Variants in XRCC4 observed in about 807,000 individuals in gnomAD.
XRCC4 encodes DNA repair protein XRCC4.
Under a neutral mutation model 39.1 loss-of-function variants are expected in XRCC4, and 28 were observed. The observed-to-expected ratio is 0.72, with a 90% CI of 0.53 to 0.98. The LOEUF is 0.98. XRCC4 is among the 50% of genes least tolerant of loss of function. The pLI is 0.00. For synonymous variants in XRCC4, 123 were observed against 126.4 expected (o/e 0.97, Z 0.18); for missense variants, 350 against 376.4 (o/e 0.93, Z 0.58).
rs570783999 is a variant in XRCC4, at chr5:83,088,823, A to G, written c.-11+11208A>G. Among the ~76,000 whole-genome samples, 39 of 152,326 alleles carry G rather than the reference A, an allele frequency of 2.6e-4. No individual in the cohort carries two copies. In the East Asian group the frequency reaches 7.1e-3, roughly 28 times the overall value. On this transcript the variant is annotated intron_variant, in intron 1 of 7. Coordinates refer to ENST00000396027, the MANE Select transcript of XRCC4 (RefSeq NM_003401.5). Reference sequence around the variant, plus strand: ...CATTCTTGATTGTTCTGAAGTTTAAAGATTATTGATAATTTGACTTCATTT... The same window carrying G: ...CATTCTTGATTGTTCTGAAGTTTAAGGATTATTGATAATTTGACTTCATTT...
chr5:83,352,272 G>T (rs765593302), intron 7 of XRCC4, among the ~76,000 whole-genome samples: 8 of 152,108 alleles, frequency 5.3e-5, no homozygotes, highest in Non-Finnish European at 8.8e-5. Flanking sequence ...GTATTACTGG[G>T]TTAGCTCAAC....
intron 1 of XRCC4, among the ~76,000 whole-genome samples, chr5:83,104,178 C>A (rs1318245861): frequency 1.3e-5 from 2 of 152,086 alleles, no homozygotes; most frequent in Non-Finnish European, 1.5e-5. Context: ...GTCACTGAGC[C>A]TGGTCATCTC....
intron 7 of XRCC4, among the ~76,000 whole-genome samples, chr5:83,334,046 G>T (rs1756519778): frequency 6.6e-6 from 1 of 152,098 alleles, no homozygotes; most frequent in Non-Finnish European, 1.5e-5. Context: ...GGGATTACAG[G>T]CATGAGCCAC....
At chr5:83,215,680 G>A (rs1187772020) in intron 6 of XRCC4, among the ~76,000 whole-genome samples, 2 of 152,146 alleles carry the variant, frequency 1.3e-5, no homozygotes, top group South Asian at 2.1e-4. Context: ...TCATGTTTAC[G>A]GTCAATTGGT....
At chr5:83,244,676 T>C (rs1245409209) in intron 6 of XRCC4, among the ~76,000 whole-genome samples, 1 of 152,126 alleles carries the variant, frequency 6.6e-6, no homozygotes, top group Non-Finnish European at 1.5e-5. Flanking sequence ...TGTGCCTCTT[T>C]AGTTGAATGA....
intron 3 of XRCC4, among the ~76,000 whole-genome samples, chr5:83,165,960 A>G (rs1749451625): frequency 7.0e-6 from 1 of 143,660 alleles, no homozygotes; most frequent in Non-Finnish European, 1.5e-5. Context: ...ATCTTGGCTC[A>G]CTGCAACCTC....
chr5:83,330,153 A>C (rs1484063664), intron 7 of XRCC4, among the ~76,000 whole-genome samples: 1 of 152,056 alleles, frequency 6.6e-6, no homozygotes, highest in African/African-American at 2.4e-5. Flanking sequence ...CATTTTGGCA[A>C]ATATTTAAAG....
intron 3 of XRCC4, among the ~76,000 whole-genome samples, chr5:83,180,837 C>T (rs1750171587): frequency 6.6e-6 from 1 of 152,102 alleles, no homozygotes; most frequent in South Asian, 2.1e-4. Flanking sequence ...ACTCTATCAA[C>T]AGTGAATGTT....
At chr5:83,113,151 A>G (rs1374634061) in intron 3 of XRCC4, among the ~76,000 whole-genome samples, 3 of 152,324 alleles carry the variant, frequency 2.0e-5, no homozygotes, top group East Asian at 3.9e-4. Context: ...CATTGGGTAA[A>G]CATACCCATT....
chr5:83,148,794 A>G (rs1326155409), intron 3 of XRCC4, among the ~76,000 whole-genome samples: 1 of 152,036 alleles, frequency 6.6e-6, no homozygotes, highest in East Asian at 1.9e-4. Flanking sequence ...CTTACTTAGG[A>G]CATCAATAAT....
chr5:83,228,781 A>G (rs1311691833), intron 6 of XRCC4, among the ~76,000 whole-genome samples: 1 of 152,072 alleles, frequency 6.6e-6, no homozygotes, highest in Non-Finnish European at 1.5e-5. Flanking sequence ...GTAGAAACTC[A>G]CTTTACCAGT....
intron 7 of XRCC4, among the ~76,000 whole-genome samples, chr5:83,297,866 G>A (rs995289754): frequency 6.6e-6 from 1 of 151,758 alleles, no homozygotes; most frequent in Non-Finnish European, 1.5e-5. Context: ...CCATCTCTAA[G>A]CAAGTCTCCA....
intron 6 of XRCC4, among the ~76,000 whole-genome samples, chr5:83,214,423 T>C (rs1751771714): frequency 6.6e-6 from 1 of 151,982 alleles, no homozygotes; most frequent in Non-Finnish European, 1.5e-5. Context: ...AAGCAAAAAA[T>C]GAAATAAGAA....
chr5:83,320,764 G>A (rs1054642596), intron 7 of XRCC4, among the ~76,000 whole-genome samples: 1 of 149,508 alleles, frequency 6.7e-6, no homozygotes, highest in Non-Finnish European at 1.5e-5. Context: ...ATGATTATTA[G>A]CATTTTTTAG....
chr5:83,152,325 T>C (rs958878237), intron 3 of XRCC4, among the ~76,000 whole-genome samples: 1 of 152,196 alleles, frequency 6.6e-6, no homozygotes, highest in African/African-American at 2.4e-5. Flanking sequence ...TAATGATATA[T>C]GTAGGTATAA....
chr5:83,241,392 A>G (rs1298842358), intron 6 of XRCC4, among the ~76,000 whole-genome samples: 2 of 152,222 alleles, frequency 1.3e-5, no homozygotes, highest in Non-Finnish European at 2.9e-5. Context: ...ACATAATTTT[A>G]CACAAATCTA....
At chr5:83,276,881 G>A (rs762078169) in intron 7 of XRCC4, among the ~76,000 whole-genome samples, 70 of 152,016 alleles carry the variant, frequency 4.6e-4, no homozygotes, top group Non-Finnish European at 8.5e-4. Flanking sequence ...ACAGAATCTT[G>A]TTATAATTTG....
intron 3 of XRCC4, among the ~76,000 whole-genome samples, chr5:83,189,374 T>G (rs755609180): frequency 1.2e-4 from 18 of 152,160 alleles, no homozygotes; most frequent in Non-Finnish European, 2.4e-4. Context: ...ATGACACACT[T>G]GAAATATTAA....
intron 7 of XRCC4, chr5:83,280,413 G>T: frequency 3.2e-6 from 2 of 628,492 alleles, no homozygotes; most frequent in Non-Finnish European, 5.9e-6. Flanking sequence ...CTTTCCTTTT[G>T]TTTATTAATG....
Sources: allele counts gnomAD v4.1 joint callset (sites outside exome capture counted in the v4.1 genomes callset), GRCh38; gene constraint gnomAD v4.1.1; transcripts MANE v1.5; gene names NCBI Gene and HGNC (gene_info 2026-07-23, HGNC 2026-07-21).